The following STAT5B variants were observed in gnomAD, a reference collection of about 807,000 sequenced individuals.
STAT5B encodes signal transducer and activator of transcription 5B.
In STAT5B, 21 loss-of-function variants were observed where a neutral mutation model predicts 107.8. The observed-to-expected ratio is 0.19, with a 90% CI of 0.14 to 0.28. The LOEUF (loss-of-function observed/expected upper bound fraction) is 0.28, where lower values mean the gene tolerates loss of function less well. Ranked by LOEUF, STAT5B falls within the 10% of genes least tolerant of loss-of-function variation. The pLI is 1.00. For missense variants in STAT5B, 565 were observed against 1,008.2 expected (o/e 0.56, Z 5.95); for synonymous variants, 325 against 401.7 (o/e 0.81, Z 2.28).
the STAT5B span, among the ~76,000 whole-genome samples, chr17:42,287,337 C>G: frequency 4.0e-5 from 6 of 151,028 alleles, no homozygotes; most frequent in East Asian, 2.0e-4. Flanking sequence ...TGCACCCCCC[C>G]CAACAGAACA....
intron 1 of STAT5B, among the ~76,000 whole-genome samples, chr17:42,242,894 G>A (rs1255332106): frequency 1.3e-5 from 2 of 152,050 alleles, no homozygotes; most frequent in South Asian, 2.1e-4. Flanking sequence ...GGCGGTGCAA[G>A]ATGTGCTTTG....
chr17:42,218,962 C>T (rs1038033637), intron 7 of STAT5B, 84 bp from the exon 8 acceptor site: 6 of 1,608,504 alleles, frequency 3.7e-6, no homozygotes, highest in African/African-American at 2.7e-5. Flanking sequence ...CCCGTTCCCC[C>T]AGGAAGGCTC....
chr17:42,271,207 T>G (rs2080719999), intron 1 of STAT5B: 1 of 152,240 alleles, frequency 6.6e-6, no homozygotes, highest in Non-Finnish European at 1.5e-5. Context: ...TGATTTCCCA[T>G]ATGCAAAGAA....
In STAT5B at chr17:42,223,516, T is replaced by G; in HGVS notation, c.416A>C (p.Gln139Pro). 6.2e-7 allele frequency: 1 copy of G among 1,614,170 alleles called. No individual in the cohort carries two copies. Among genetic ancestry groups the G allele is most frequent in the Non-Finnish European group, 8.5e-7 (1 of 1,180,034 alleles). The change falls in exon 5 of 19, where the codon CAG becomes CCG. Residue 139 changes from glutamine (Q) to proline (P), a missense_variant. Gln to Pro is a moderately conservative substitution (Grantham distance 76). Transcript: ENST00000293328. Reference sequence around the variant, plus strand: ...CGTCTGGTTGATCTGGAGGTGTTTCTGGGACATGGCATCAGCAAGGCTTCC... The same window carrying G: ...CGTCTGGTTGATCTGGAGGTGTTTCGGGGACATGGCATCAGCAAGGCTTCC... ...PAGSLADAMS[Q>P]KHLQINQTFE...
intron 1 of STAT5B, among the ~76,000 whole-genome samples, chr17:42,232,435 G>C (rs1242900138): frequency 6.6e-6 from 1 of 151,940 alleles, no homozygotes; most frequent in African/African-American, 2.4e-5. Flanking sequence ...TTTTAGTAGA[G>C]ATGGGGTTTC....
At chr17:42,207,866 T>C in intron 15 of STAT5B, 138 bp from the exon 16 acceptor site, 5 of 860,442 alleles carry the variant, frequency 5.8e-6, no homozygotes, top group Non-Finnish European at 9.0e-6. Context: ...TAACCATGGG[T>C]TATAGATGAA....
At chr17:42,262,717 T>C (rs2080609739) in intron 1 of STAT5B, among the ~76,000 whole-genome samples, 1 of 146,556 alleles carries the variant, frequency 6.8e-6, no homozygotes, top group Admixed American at 6.9e-5. Flanking sequence ...ACATCTTCAA[T>C]ATGAAATGAA....
At chr17:42,269,442 C>G (rs1326795319) in intron 1 of STAT5B, 7 of 152,136 alleles carry the variant, frequency 4.6e-5, no homozygotes, top group Non-Finnish European at 1.0e-4. Flanking sequence ...CACCTAAAGG[C>G]TGGAAAACCC....
At chr17:42,206,351 A>G (rs1234092288) in intron 16 of STAT5B, among the ~76,000 whole-genome samples, 1 of 152,098 alleles carries the variant, frequency 6.6e-6, no homozygotes, top group African/African-American at 2.4e-5. Flanking sequence ...CGGCCTCCCA[A>G]AAGTCTGGGA....
At chr17:42,263,005 TATATATATATAA>T (rs1336071437) in intron 1 of STAT5B, among the ~76,000 whole-genome samples, 921 of 45,262 alleles carry the variant, frequency 0.02, 42 homozygotes, top group African/African-American at 0.078. Context: ...TATATATATA[TATATATATATAA>T]AAAAACAAAA....
chr17:42,207,234 C>T (rs2144209258), intron 16 of STAT5B, among the ~76,000 whole-genome samples: 1 of 152,130 alleles, frequency 6.6e-6, no homozygotes, highest in South Asian at 2.1e-4. Flanking sequence ...TGTAATACTT[C>T]TAAACTCAGA....
intron 2 of STAT5B, 22 bp from the exon 3 acceptor site, chr17:42,227,707 A>G (rs2080285515): frequency 6.2e-7 from 1 of 1,612,898 alleles, no homozygotes; most frequent in African/African-American, 1.3e-5. Context: ...AAATTACATA[A>G]TCTGTATACA....
rs557210395 is a variant in STAT5B, at chr17:42,254,963, C to T, written c.-11+21285G>A. Among the ~76,000 whole-genome samples the T allele has an allele frequency of 3.9e-5, 6 of 152,060 alleles. No homozygotes were observed. The South Asian group carries it at 6.2e-4, about 16-fold the overall frequency. ...AAAATTAGCTGGGTGTGGTGGCATG[C>T]GCCTGTAGTCCCAGCTACTTGGGAG... On this transcript the variant is annotated intron_variant, in intron 1 of 18. Transcript: ENST00000293328.
At chr17:42,239,267 AG>A (rs1303436452) in intron 1 of STAT5B, among the ~76,000 whole-genome samples, 36 of 150,456 alleles carry the variant, frequency 2.4e-4, no homozygotes, top group African/African-American at 8.0e-4. Flanking sequence ...AAAAAAAAAA[AG>A]GAGAAGAAAA....
At chr17:42,247,894 A>C (rs984385447) in intron 1 of STAT5B, among the ~76,000 whole-genome samples, 1 of 151,842 alleles carries the variant, frequency 6.6e-6, no homozygotes, top group Admixed American at 6.6e-5. Flanking sequence ...TAGTAGCTGC[A>C]GTGAACTATG....
At chr17:42,202,309 C>T in intron 18 of STAT5B, 31 bp downstream of exon 18, 1 of 1,612,970 alleles carries the variant, frequency 6.2e-7, no homozygotes, top group South Asian at 1.1e-5. Context: ...CCAGTTCCTC[C>T]CCTGTGGACC....
At chr17:42,203,672 A>C (rs1174184535) in intron 16 of STAT5B, among the ~76,000 whole-genome samples, 1 of 151,696 alleles carries the variant, frequency 6.6e-6, no homozygotes, top group Non-Finnish European at 1.5e-5. Context: ...TGTTGCCCAC[A>C]CTGGAGTGCA....
chr17:42,279,571 C>T (rs939626186), upstream of STAT5B, among the ~76,000 whole-genome samples: 1 of 152,052 alleles, frequency 6.6e-6, no homozygotes, highest in East Asian at 1.9e-4. Context: ...GTGGATCACC[C>T]GAGATCGGGA....
At chr17:42,243,893 T>G (rs1172685516) in intron 1 of STAT5B, among the ~76,000 whole-genome samples, 1 of 117,208 alleles carries the variant, frequency 8.5e-6, no homozygotes, top group Non-Finnish European at 1.8e-5. Context: ...TATCATTATC[T>G]CCATGTCCAA....
Sources: allele counts gnomAD v4.1 joint callset (sites outside exome capture counted in the v4.1 genomes callset), GRCh38; gene constraint gnomAD v4.1.1; transcripts MANE v1.5; gene names NCBI Gene and HGNC (gene_info 2026-07-23, HGNC 2026-07-21).